BNIP2: variants seen among roughly 807,000 people sequenced by gnomAD.
BNIP2 encodes BCL2/adenovirus E1B 19 kDa protein-interacting protein 2.
A neutral mutation model predicts 43.4 loss-of-function variants in BNIP2; 36 were observed. The ratio of observed to expected loss-of-function variants is 0.83; its 90% confidence interval spans 0.64 to 1.10. The LOEUF (loss-of-function observed/expected upper bound fraction) is 1.10, where lower values mean the gene tolerates loss of function less well. BNIP2 is among the 50% of genes least tolerant of loss of function. The pLI is 0.00. For synonymous variants in BNIP2, 146 were observed against 121.0 expected, an observed-to-expected ratio of 1.21 and a Z score of -1.35; for missense variants, 417 against 374.1, an observed-to-expected ratio of 1.11 and a Z score of -0.95.
intron 5 of BNIP2, among the ~76,000 whole-genome samples, chr15:59,676,035 T>C (rs1183457399): frequency 1.3e-5 from 2 of 152,206 alleles, no homozygotes; most frequent in South Asian, 4.1e-4. Flanking sequence ...GTTTTATATA[T>C]ATGGGTATAT....
In BNIP2 at chr15:59,677,970, T is replaced by C. The variant is rs764871981; in HGVS notation, c.413A>G (p.Gln138Arg). 1.2e-6 allele frequency: 2 copies of C among 1,613,858 alleles called. No individual in the cohort carries two copies. The highest frequency in any genetic ancestry group is 1.1e-5 in the South Asian group (1 of 91,076). Residue 138 changes from glutamine to arginine, a missense_variant, in exon 5 of 10, where the codon CAG becomes CGG. Coordinates refer to ENST00000607373, the MANE Select transcript of BNIP2 (RefSeq NM_004330.4). ...TGCCTTCATATCAACCCTGTGGTCCTGTTCTCCAATCCTGAACATACGCCA... is the reference window on the plus strand; with the variant it reads ...TGCCTTCATATCAACCCTGTGGTCCCGTTCTCCAATCCTGAACATACGCCA... The part of the protein sequence containing the change: ...RRWRMFRIGE[Q>R]DHRVDMKAIE...
chr15:59,682,901 G>A (rs1481013626), intron 1 of BNIP2, among the ~76,000 whole-genome samples: 3 of 152,144 alleles, frequency 2.0e-5, no homozygotes, highest in Non-Finnish European at 2.9e-5. Flanking sequence ...TTGGATAGAG[G>A]TTGATTCTAG....
At chr15:59,687,216 A>G (rs1443181358) in intron 1 of BNIP2, among the ~76,000 whole-genome samples, 1 of 152,196 alleles carries the variant, frequency 6.6e-6, no homozygotes, top group African/African-American at 2.4e-5. Context: ...CTGATGTCTC[A>G]GTTTGTTGTA....
chr15:59,681,699 G>A (rs6151490), intron 2 of BNIP2, among the ~76,000 whole-genome samples: 11 of 151,822 alleles, frequency 7.2e-5, no homozygotes, highest in Admixed American at 3.3e-4. Flanking sequence ...TGCCTATCTC[G>A]GCCTCCCAAA....
chr15:59,673,643 C>G (rs1024227978), intron 5 of BNIP2, among the ~76,000 whole-genome samples: 1 of 152,152 alleles, frequency 6.6e-6, no homozygotes, highest in Admixed American at 6.5e-5. Context: ...GTTGCTCAGA[C>G]TGGTCGTGAA....
At chr15:59,682,303 G>C in intron 2 of BNIP2, 105 bp downstream of exon 2, 4 of 967,478 alleles carry the variant, frequency 4.1e-6, no homozygotes. Context: ...CTCCAGCCTG[G>C]GCAACAGAGC....
chr15:59,678,191 A>G, intron 4 of BNIP2, 104 bp from the exon 5 acceptor site: 1 of 1,427,906 alleles, frequency 7.0e-7, no homozygotes, highest in Admixed American at 3.0e-5. Context: ...TTTTCATTAT[A>G]CCATCTGCAC....
intron 9 of BNIP2, among the ~76,000 whole-genome samples, chr15:59,667,663 T>C (rs1892644668): frequency 6.6e-6 from 1 of 152,236 alleles, no homozygotes; most frequent in African/African-American, 2.4e-5. Flanking sequence ...CCAAAGTATA[T>C]ATGCATTGCA....
At position 59,676,814 on chromosome 15, in the gene BNIP2, C is replaced by T. The variant is rs145124446; in HGVS notation, c.472+1097G>A. 966 of 1,535,448 alleles carry T rather than the reference C, an allele frequency of 6.3e-4. 7 individuals carry two copies. The East Asian group carries it at 0.017, about 28-fold the overall frequency. ...CGGTGGCCGCCTGGCCCTGCAGCGCCGCTACTACTTCCCTTCCTGCCGGGA... is the reference window on the plus strand; with the variant it reads ...CGGTGGCCGCCTGGCCCTGCAGCGCTGCTACTACTTCCCTTCCTGCCGGGA... On this transcript the variant is annotated intron_variant, in intron 5 of 9. Transcript: ENST00000607373.
intron 1 of BNIP2, among the ~76,000 whole-genome samples, chr15:59,685,807 G>A (rs1484349595): frequency 2.0e-5 from 3 of 152,124 alleles, no homozygotes; most frequent in African/African-American, 7.2e-5. Context: ...CTGTTTCTTG[G>A]AAGCACTTTA....
chr15:59,672,453 G>T (rs1258136551), intron 6 of BNIP2, among the ~76,000 whole-genome samples, 184 bp downstream of exon 6: 1 of 152,100 alleles, frequency 6.6e-6, no homozygotes, highest in Admixed American at 6.5e-5. Flanking sequence ...TTTTGATTTT[G>T]TAGAGAAAGA....
At chr15:59,678,679 T>G in intron 4 of BNIP2, 1 of 1,195,786 alleles carries the variant, frequency 8.4e-7, no homozygotes, top group Non-Finnish European at 1.1e-6. Flanking sequence ...AATTTATGTT[T>G]TGAGATTGCA....
rs767734708 is a variant in BNIP2 at position 59,669,411 on chromosome 15, CTATAAATTCTAATGCTGCAAGTTTA to C, written c.708-74_708-50del. 4.0e-6 allele frequency: 5 copies of C among 1,240,630 alleles called. No homozygotes were observed. In the Admixed American group the frequency reaches 7.5e-5, roughly 19 times the overall value. The allele number at this position is 1,240,630 out of a possible 1,614,324, so 76.9% of individuals were successfully genotyped here. On this transcript the variant is annotated intron_variant, in intron 7 of 9. Transcript: ENST00000607373. ...CACACACAAAGAAAATTAAAAATTT[CTATAAATTCTAATGCTGCAAGTTTA>C]TACAAAATAATAGTTGAAAAATCTC...
chr15:59,671,355 T>C (rs1229699624), intron 6 of BNIP2, 41 bp from the exon 7 acceptor site: 2 of 1,532,158 alleles, frequency 1.3e-6, no homozygotes, highest in East Asian at 4.8e-5. Context: ...AAAATCACTG[T>C]GCATAACTGA....
intron 6 of BNIP2, among the ~76,000 whole-genome samples, chr15:59,671,963 C>T (rs767301044): frequency 6.6e-6 from 1 of 152,130 alleles, no homozygotes; most frequent in Non-Finnish European, 1.5e-5. Flanking sequence ...GCAGTCCCAG[C>T]CACTAGGGAG....
chr15:59,667,477 T>C (rs564942181), intron 9 of BNIP2, among the ~76,000 whole-genome samples: 2 of 152,338 alleles, frequency 1.3e-5, no homozygotes, highest in African/African-American at 2.4e-5. Context: ...AAGGTATCAA[T>C]AGATAATAGT....
At position 59,688,875 on chromosome 15, in the gene BNIP2, C is replaced by G. The variant is rs1217809652; in HGVS notation, c.-58+260G>C. 2.0e-6 allele frequency: 3 copies of G among 1,489,482 alleles called. No individual in the cohort carries two copies. The South Asian group carries it at 3.9e-5, about 19-fold the overall frequency. 92.3% of individuals were successfully genotyped at this position (1,489,482 alleles called of 1,614,324 possible). On this transcript the variant is annotated intron_variant, in intron 1 of 9. Transcript: ENST00000607373. ...CAAGGTTCCATCCCGAGCACAACTA[C>G]CAGAAACGGAAAAGCGACGGGGTGG...
chr15:59,661,369 G>C lies in BNIP2; in HGVS notation c.*2700C>G, dbSNP rs944506124. 2 of 149,960 alleles carry C rather than the reference G, an allele frequency of 1.3e-5. No individual in the cohort carries two copies. The allele number at this position is 149,960 out of a possible 1,614,324, so 9.3% of individuals were successfully genotyped here. On this transcript the variant is annotated 3_prime_UTR_variant, in exon 10 of 10. Coordinates refer to ENST00000607373, the MANE Select transcript of BNIP2 (RefSeq NM_004330.4). ...AAAAAAGAGAGGGCACACATACAGT[G>C]GCATCTTAGGTAACAACTATGTCTT...
At position 59,677,687 on chromosome 15, in the gene BNIP2, A is replaced by G. The variant is rs1893393453; in HGVS notation, c.472+224T>C. ...GGAAACTGACATCAGATGTCTTGAGAAAGCTATATTTTCCATTAGTGCCCC... is the reference window on the plus strand; with the variant it reads ...GGAAACTGACATCAGATGTCTTGAGGAAGCTATATTTTCCATTAGTGCCCC... On this transcript the variant is annotated intron_variant, in intron 5 of 9. Transcript: ENST00000607373. 1.2e-5 allele frequency: 14 copies of G among 1,186,234 alleles called. No homozygotes were observed. In the South Asian group the frequency reaches 3.3e-4, roughly 28 times the overall value. The allele number at this position is 1,186,234 out of a possible 1,614,324, so 73.5% of individuals were successfully genotyped here.
Sources: allele counts gnomAD v4.1 joint callset (sites outside exome capture counted in the v4.1 genomes callset), GRCh38; gene constraint gnomAD v4.1.1; transcripts MANE v1.5; gene names NCBI Gene and HGNC (gene_info 2026-07-23, HGNC 2026-07-21).